Variants in PCDHGB6 observed in about 807,000 individuals in gnomAD.
PCDHGB6 encodes the protein protocadherin gamma subfamily B, 6, also known as protocadherin gamma-B6.
PCDHGB6 carries 51 observed loss-of-function variants against 59.1 expected under a neutral mutation model. That is an observed-to-expected ratio of 0.86 (90% CI 0.69 to 1.09). The LOEUF is 1.09. PCDHGB6 is among the 50% of genes least tolerant of loss of function. The pLI, the probability that PCDHGB6 is intolerant of heterozygous loss-of-function variation, is 0.00. For missense variants in PCDHGB6, 1,148 were observed against 1,205.1 expected (o/e 0.95, Z 0.70); for synonymous variants, 466 against 495.1 (o/e 0.94, Z 0.78).
rs774780380 is a variant in PCDHGB6 at position 141,432,864 on chromosome 5, G to C, written c.2418+22244G>C. Reference sequence around the variant, plus strand: ...GTGGTAGCGGTGGCCGCGGTCTCCTGCGTCTTCCTGGCCTTCGTCATCTTG... The same window carrying C: ...GTGGTAGCGGTGGCCGCGGTCTCCTCCGTCTTCCTGGCCTTCGTCATCTTG... On this transcript the variant is annotated intron_variant, in intron 1 of 3. Coordinates refer to ENST00000520790, the MANE Select transcript of PCDHGB6 (RefSeq NM_018926.3). The surrounding 1 kb of genome is among the most constrained non-coding windows in gnomAD (Gnocchi z 6.0). 6.2e-7 allele frequency: 1 copy of C among 1,614,168 alleles called. No homozygotes were observed.
At chr5:141,415,871 G>T (rs2095966585) in intron 1 of PCDHGB6, 2 of 1,074,308 alleles carry the variant, frequency 1.9e-6, no homozygotes, top group South Asian at 2.3e-5. Context: ...TAGTGTTGTT[G>T]AGTACAATAT....
Position 141,432,295 on chromosome 5 carries a change from G to A in PCDHGB6, c.2418+21675G>A. 6.2e-7 allele frequency: 1 copy of A among 1,614,222 alleles called. No individual in the cohort carries two copies. The highest frequency in any genetic ancestry group is 8.5e-7 in the Non-Finnish European group (1 of 1,180,034). ...ACGTGTCCATCAACTCCGACACTGG[G>A]GTACTGTATGCGCTGAGCTCCTTCG... is the stretch of plus-strand genomic sequence containing the variant. On this transcript the variant is annotated intron_variant, in intron 1 of 3. Coordinates refer to ENST00000520790, the MANE Select transcript of PCDHGB6 (RefSeq NM_018926.3). This position sits in a 1 kb window ranked among gnomAD's most constrained non-coding sequence, Gnocchi z 6.0.
In PCDHGB6 at chr5:141,412,906, T is replaced by C. The variant is rs188124118; in HGVS notation, c.2418+2286T>C. ...ACAGAATAGTTTACTTTCCATTGCA[T>C]GTATCACTTGGGTGCAGTAACTTCT... On this transcript the variant is annotated intron_variant, in intron 1 of 3. Coordinates refer to ENST00000520790, the MANE Select transcript of PCDHGB6 (RefSeq NM_018926.3). 315 of 384,208 alleles carry C rather than the reference T, an allele frequency of 8.2e-4. 2 individuals carry two copies. Among genetic ancestry groups the C allele is most frequent in the African/African-American group, 5.6e-3 (272 of 48,326 alleles). The allele number at this position is 384,208 out of a possible 1,614,324, so 23.8% of individuals were successfully genotyped here. A position where few individuals can be genotyped will look rare whatever the true frequency, so the allele number is the denominator to read the frequency against.
chr5:141,509,051 A>G (rs1051961974), intron 3 of PCDHGB6, among the ~76,000 whole-genome samples: 1 of 152,166 alleles, frequency 6.6e-6, no homozygotes, highest in Admixed American at 6.5e-5. Context: ...CCCCGCCCCC[A>G]GAAAGCTCTC....
At chr5:141,449,537 C>A (rs1377909573) in intron 1 of PCDHGB6, among the ~76,000 whole-genome samples, 1 of 146,334 alleles carries the variant, frequency 6.8e-6, no homozygotes, top group Non-Finnish European at 1.5e-5. Flanking sequence ...TGCAGTGAGC[C>A]GAGATCGCAC....
intron 1 of PCDHGB6, among the ~76,000 whole-genome samples, chr5:141,465,839 G>A (rs1166392052): frequency 6.6e-6 from 1 of 151,400 alleles, no homozygotes; most frequent in Non-Finnish European, 1.5e-5. Context: ...AATTTCAACT[G>A]AGGCTGGGCC....
intron 1 of PCDHGB6, chr5:141,417,918 T>C (rs1371704441): frequency 1.2e-6 from 2 of 1,605,528 alleles, no homozygotes; most frequent in Non-Finnish European, 8.5e-7. Context: ...CTATTTCCTT[T>C]GCTGCTGCCT....
intron 1 of PCDHGB6, among the ~76,000 whole-genome samples, chr5:141,458,500 T>G (rs2098947037): frequency 6.6e-6 from 1 of 151,442 alleles, no homozygotes; most frequent in Admixed American, 6.6e-5. Context: ...CTGTACATAC[T>G]GTTTGACACT....
chr5:141,497,413 T>C (rs572922456), intron 2 of PCDHGB6, among the ~76,000 whole-genome samples: 8 of 152,046 alleles, frequency 5.3e-5, no homozygotes, highest in Admixed American at 5.2e-4. Context: ...TCCCATTCCA[T>C]CAAATGAGAG....
chr5:141,451,593 C>A (rs2098719809), intron 1 of PCDHGB6, among the ~76,000 whole-genome samples: 1 of 152,042 alleles, frequency 6.6e-6, no homozygotes, highest in African/African-American at 2.4e-5. Context: ...TTGAAAGTGA[C>A]ATACAAGGCT....
rs1403163275 is a variant in PCDHGB6 at position 141,441,708 on chromosome 5, A to T, written c.2418+31088A>T. ...AGAGCAGCCGCGAGCCTTCAAGCTC[A>T]CGCTGCAGGCCCGCGACCAGGACTA... On this transcript the variant is annotated intron_variant, in intron 1 of 3. Coordinates refer to ENST00000520790, the MANE Select transcript of PCDHGB6 (RefSeq NM_018926.3). 2.8e-5 allele frequency: 9 copies of T among 319,492 alleles called. No homozygotes were observed. In the East Asian group the frequency reaches 1.0e-3, roughly 37 times the overall value. 19.8% of individuals were successfully genotyped at this position (319,492 alleles called of 1,614,324 possible).
rs761202330 is a variant in PCDHGB6 at position 141,489,878 on chromosome 5, C to T, written c.2419-4929C>T. 1.1e-5 allele frequency: 17 copies of T among 1,614,116 alleles called. No individual in the cohort carries two copies. In the East Asian group the frequency reaches 3.6e-4, roughly 34 times the overall value. On this transcript the variant is annotated intron_variant, in intron 1 of 3. Transcript: ENST00000520790. This position sits in a 1 kb window ranked among gnomAD's most constrained non-coding sequence, Gnocchi z 4.5. ...CAGGCAAGACATCAGCTGGTGCTTA[C>T]TGCTGTGGATGGGGGGACCCCAGCC... is the stretch of plus-strand genomic sequence containing the variant.
Position 141,415,740 on chromosome 5 carries a change from GTTTTTTTTTTTTTTTTTTT to G in PCDHGB6, c.2418+5134_2418+5152del, listed in dbSNP as rs57426385. ...TGAGTAGAATTTGATGTTTATTAAG[GTTTTTTTTTTTTTTTTTTT>G]TTTTTTTTTTTTTACTTTCTGGTAA... is the stretch of plus-strand genomic sequence containing the variant. On this transcript the variant is annotated intron_variant, in intron 1 of 3. Coordinates refer to ENST00000520790, the MANE Select transcript of PCDHGB6 (RefSeq NM_018926.3). The G allele has an allele frequency of 6.7e-5, 42 of 625,046 alleles. No individual in the cohort carries two copies. In the African/African-American group the frequency reaches 7.3e-4, roughly 11 times the overall value. 38.7% of individuals were successfully genotyped at this position (625,046 alleles called of 1,614,324 possible).
Position 141,409,566 on chromosome 5 carries a change from C to G in PCDHGB6, c.1364C>G (p.Thr455Arg), listed in dbSNP as rs750850161. ...INDNAPVFDQ[T>R]SYVVHVAENN... The stretch of plus-strand genomic sequence containing the variant: ...GACAACGCCCCAGTTTTCGACCAGA[C>G]GTCCTACGTGGTCCACGTGGCCGAG... Residue 455 changes from threonine (T) to arginine (R), a missense_variant, in exon 1 of 4, where the codon ACG (threonine) becomes AGG (arginine). By Grantham distance (71) the Thr-to-Arg change is moderately conservative (BLOSUM62 -1). Coordinates refer to ENST00000520790, the MANE Select transcript of PCDHGB6 (RefSeq NM_018926.3). 1 of 1,613,978 alleles carries G rather than the reference C, an allele frequency of 6.2e-7. No homozygotes were observed. The highest frequency in any genetic ancestry group is 1.1e-5 in the South Asian group (1 of 91,092).
chr5:141,421,817 T>A (rs375019903), intron 1 of PCDHGB6: 34 of 1,613,662 alleles, frequency 2.1e-5, no homozygotes, highest in Non-Finnish European at 2.8e-5. Context: ...GAGCTAGTAC[T>A]GGAGGGAAGC....
chr5:141,471,404 TTA>T (rs1320685792), intron 1 of PCDHGB6: 3 of 152,170 alleles, frequency 2.0e-5, no homozygotes, highest in Non-Finnish European at 4.4e-5. Flanking sequence ...GTAGCTAGGC[TTA>T]GTTATGTTTT....
At chr5:141,410,888 C>G in intron 1 of PCDHGB6, 1 of 290,774 alleles carries the variant, frequency 3.4e-6, no homozygotes, top group Non-Finnish European at 5.6e-6. Flanking sequence ...GAGTCTCGCA[C>G]TGTTGCCTAG....
Position 141,477,818 on chromosome 5 carries a change from C to T in PCDHGB6, c.2419-16989C>T, listed in dbSNP as rs202009040. 33 of 1,614,040 alleles carry T rather than the reference C, an allele frequency of 2.0e-5. No homozygotes were observed. The highest frequency in any genetic ancestry group is 1.3e-4 in the Admixed American group (8 of 60,006). On this transcript the variant is annotated intron_variant, in intron 1 of 3. Transcript: ENST00000520790. This position sits in a 1 kb window ranked among gnomAD's most constrained non-coding sequence, Gnocchi z 4.9. ...TCGCAATGACAATGCCCCCCAGGTCCTATATCCTCGGCCAGGTGGGAGCTC... is the reference window on the plus strand; with the variant it reads ...TCGCAATGACAATGCCCCCCAGGTCTTATATCCTCGGCCAGGTGGGAGCTC...
At chr5:141,506,563 C>T (rs925780739) in intron 3 of PCDHGB6, among the ~76,000 whole-genome samples, 2 of 152,062 alleles carry the variant, frequency 1.3e-5, no homozygotes, top group Non-Finnish European at 2.9e-5. Context: ...TAAACCCCCT[C>T]GGTTTCACTT....
Sources: allele counts gnomAD v4.1 joint callset (sites outside exome capture counted in the v4.1 genomes callset), GRCh38; gene constraint gnomAD v4.1.1; non-coding constraint Gnocchi (gnomAD v3.1); transcripts MANE v1.5; gene names NCBI Gene and HGNC (gene_info 2026-07-23, HGNC 2026-07-21).